Variants in SIPA1L2 observed in about 807,000 individuals in gnomAD.
The protein encoded by SIPA1L2 is signal induced proliferation associated 1 like 2.
Under a neutral mutation model 163.9 loss-of-function variants are expected in SIPA1L2, and 56 were observed. That is an observed-to-expected ratio of 0.34 (90% CI 0.28 to 0.43). The LOEUF (loss-of-function observed/expected upper bound fraction) is 0.43, where lower values mean the gene tolerates loss of function less well. Ranked by LOEUF, SIPA1L2 falls within the 20% of genes least tolerant of loss-of-function variation. The probability of loss-of-function intolerance (pLI) is 1.00; values close to 1 mark genes in which losing one functional copy is unlikely to be tolerated. For missense variants in SIPA1L2, 1,974 were observed against 2,193.5 expected, an observed-to-expected ratio of 0.90 and a Z score of 2.00; for synonymous variants, 877 against 865.7, an observed-to-expected ratio of 1.01 and a Z score of -0.23.
intron 1 of SIPA1L2, among the ~76,000 whole-genome samples, chr1:232,602,880 T>C (rs1661678836): frequency 6.6e-6 from 1 of 152,238 alleles, no homozygotes; most frequent in Non-Finnish European, 1.5e-5. Flanking sequence ...AACTGAATTT[T>C]TATTTTTATT....
Position 232,514,065 on chromosome 1 carries a change from C to A in SIPA1L2, c.1275G>T (p.Ala425=), listed in dbSNP as rs757557720. ...AAGAGGATGAGTTGGCTCGAGAGAG[C>A]GCAATCCGCCTGTCGCCTTCCCCTC... The part of the protein sequence containing the change: ...ETGGEGDRRI[A]LSRANSSSFS... The change falls in exon 3 of 23, where the codon GCG becomes GCT. Residue 425 remains alanine (A), a synonymous_variant. Coordinates refer to ENST00000674635, the MANE Select transcript of SIPA1L2 (RefSeq NM_020808.5). 6.2e-7 allele frequency: 1 copy of A among 1,614,140 alleles called. No individual in the cohort carries two copies. Among genetic ancestry groups the A allele is most frequent in the Non-Finnish European group, 8.5e-7 (1 of 1,180,010 alleles).
In SIPA1L2 at chr1:232,398,785, A is replaced by G. The variant is rs1005029863; in HGVS notation, c.*342T>C. The stretch of plus-strand genomic sequence containing the variant: ...TTACATCTCTACCAGGTCACCTGAT[A>G]TACAGGAAATAAAACTCAACTATCT... On this transcript the variant is annotated 3_prime_UTR_variant, in exon 23 of 23. Transcript: ENST00000674635. 5 of 207,452 alleles carry G rather than the reference A, an allele frequency of 2.4e-5. No individual in the cohort carries two copies. The highest frequency in any genetic ancestry group is 1.1e-4 in the African/African-American group (5 of 44,076). The allele number at this position is 207,452 out of a possible 1,614,324, so 12.9% of individuals were successfully genotyped here. A position where few individuals can be genotyped will look rare whatever the true frequency, so the allele number is the denominator to read the frequency against.
chr1:232,430,636 G>A (rs981982293), intron 16 of SIPA1L2, among the ~76,000 whole-genome samples: 14 of 152,154 alleles, frequency 9.2e-5, no homozygotes, highest in Admixed American at 7.2e-4. Context: ...GAAACACTCT[G>A]TGTTGCTGGG....
intron 1 of SIPA1L2, among the ~76,000 whole-genome samples, chr1:232,623,166 C>G (rs1662906497): frequency 6.6e-6 from 1 of 152,220 alleles, no homozygotes; most frequent in Non-Finnish European, 1.5e-5. Context: ...GCTGGGAAGC[C>G]AGGCATTCCT....
rs1431169299 is a variant in SIPA1L2 at position 232,402,461 on chromosome 1, T to G, written c.4953A>C (p.Pro1651=). ...EFMDTTGERS[P]SPLTGKVNQL... ...GATTGACTTTCCCGGTCAGTGGTGA[T>G]GGAGAACGCTCCCTAGCAAATAAGG... The change falls in exon 22 of 23, where the codon CCA becomes CCC. Residue 1651 remains proline (P), a synonymous_variant. Transcript: ENST00000674635. 2 of 1,613,410 alleles carry G rather than the reference T, an allele frequency of 1.2e-6. No individual in the cohort carries two copies.
chr1:232,401,569 T>TA (rs1660343439), intron 22 of SIPA1L2, among the ~76,000 whole-genome samples: 1 of 152,184 alleles, frequency 6.6e-6, no homozygotes, highest in Non-Finnish European at 1.5e-5. Context: ...AACATGTGCA[T>TA]ATATGAACAC....
intron 17 of SIPA1L2, 101 bp downstream of exon 17, chr1:232,428,310 G>A (rs956142893): frequency 2.9e-6 from 3 of 1,028,788 alleles, no homozygotes; most frequent in Non-Finnish European, 4.0e-6. Flanking sequence ...GAGAGATGAA[G>A]CATGTGGGAG....
At chr1:232,569,707 G>A (rs1310263045) in intron 2 of SIPA1L2, among the ~76,000 whole-genome samples, 1 of 152,206 alleles carries the variant, frequency 6.6e-6, no homozygotes, top group African/African-American at 2.4e-5. Context: ...CAGCTACTTG[G>A]GAGGTTGAGG....
chr1:232,480,550 T>G (rs540879623), intron 6 of SIPA1L2, among the ~76,000 whole-genome samples: 1 of 152,328 alleles, frequency 6.6e-6, no homozygotes, highest in South Asian at 2.1e-4. Flanking sequence ...AGATTGAGTT[T>G]CACACATTGA....
chr1:232,521,728 C>G (rs930271842), intron 2 of SIPA1L2, among the ~76,000 whole-genome samples: 1 of 152,192 alleles, frequency 6.6e-6, no homozygotes, highest in African/African-American at 2.4e-5. Flanking sequence ...TCATTTGTCT[C>G]TTTTGGTCTG....
intron 7 of SIPA1L2, among the ~76,000 whole-genome samples, chr1:232,478,860 TA>T (rs1258891268): frequency 6.6e-6 from 1 of 152,236 alleles, no homozygotes; most frequent in Non-Finnish European, 1.5e-5. Context: ...CAGAAGATTC[TA>T]AACAAGATGT....
At chr1:232,560,840 G>T (rs1468876280) in intron 2 of SIPA1L2, among the ~76,000 whole-genome samples, 1 of 152,040 alleles carries the variant, frequency 6.6e-6, no homozygotes, top group Non-Finnish European at 1.5e-5. Flanking sequence ...ATAAATAAAT[G>T]CAAATTATCT....
At chr1:232,542,300 G>A (rs554528834) in intron 2 of SIPA1L2, among the ~76,000 whole-genome samples, 1 of 152,144 alleles carries the variant, frequency 6.6e-6, no homozygotes, top group African/African-American at 2.4e-5. Flanking sequence ...GGGCACAATC[G>A]CCTGCATCTA....
chr1:232,427,333 G>A (rs948325156), intron 17 of SIPA1L2, among the ~76,000 whole-genome samples: 14 of 152,354 alleles, frequency 9.2e-5, no homozygotes, highest in Admixed American at 2.0e-4. Flanking sequence ...CAGCTTTGCA[G>A]TAGTGTCTAA....
intron 2 of SIPA1L2, among the ~76,000 whole-genome samples, chr1:232,537,740 T>C (rs1036126041): frequency 6.6e-6 from 1 of 152,182 alleles, no homozygotes; most frequent in African/African-American, 2.4e-5. Flanking sequence ...CTCTCATCTG[T>C]AAAATGGAGA....
chr1:232,628,810 GA>G (rs1208887485), intron 1 of SIPA1L2, among the ~76,000 whole-genome samples: 1 of 152,110 alleles, frequency 6.6e-6, no homozygotes, highest in Admixed American at 6.5e-5. Context: ...TTAACGTTTA[GA>G]ATGGAGACTG....
intron 1 of SIPA1L2, among the ~76,000 whole-genome samples, 190 bp from the exon 2 acceptor site, chr1:232,574,412 G>A (rs1238857705): frequency 6.6e-6 from 1 of 151,666 alleles, no homozygotes; most frequent in African/African-American, 2.4e-5. Context: ...AGAGGTTGAG[G>A]AACATACGAT....
chr1:232,411,713 C>T (rs1240513057), intron 19 of SIPA1L2, among the ~76,000 whole-genome samples: 5 of 151,868 alleles, frequency 3.3e-5, no homozygotes, highest in Non-Finnish European at 7.4e-5. Flanking sequence ...GAAATAAATG[C>T]TTCTGAAACA....
chr1:232,418,954 G>C (rs1661415788), intron 18 of SIPA1L2, among the ~76,000 whole-genome samples: 1 of 152,186 alleles, frequency 6.6e-6, no homozygotes, highest in Admixed American at 6.5e-5. Context: ...ACAACAGTGG[G>C]TAGGGCAGAC....
Sources: allele counts gnomAD v4.1 joint callset (sites outside exome capture counted in the v4.1 genomes callset), GRCh38; gene constraint gnomAD v4.1.1; transcripts MANE v1.5; gene names NCBI Gene and HGNC (gene_info 2026-07-23, HGNC 2026-07-21).